DST: variants seen among roughly 807,000 people sequenced by gnomAD.
The protein encoded by DST is dystonin.
A neutral mutation model predicts 875.2 loss-of-function variants in DST; 253 were observed. The ratio of observed to expected loss-of-function variants is 0.29; its 90% CI spans 0.26 to 0.32. The LOEUF is 0.32. DST is among the 10% of genes least tolerant of loss of function. The pLI, the probability that DST is intolerant of heterozygous loss-of-function variation, is 1.00. For synonymous variants in DST, 3,124 were observed against 3,197.1 expected (o/e 0.98, Z 0.77); for missense variants, 8,287 against 9,111.6 (o/e 0.91, Z 3.68).
intron 93 of DST, among the ~76,000 whole-genome samples, chr6:56,473,635 A>C (rs917985779): frequency 6.6e-6 from 1 of 152,196 alleles, no homozygotes; most frequent in Admixed American, 6.5e-5. Context: ...CTTCTAGCTA[A>C]TATGAAAGAT....
rs374094129 is a variant in DST, at chr6:56,463,592, T to C, written c.22932A>G (p.Pro7644=). The C allele has an allele frequency of 1.2e-6, 2 of 1,602,196 alleles. No homozygotes were observed. Among genetic ancestry groups the C allele is most frequent in the South Asian group, 1.1e-5 (1 of 89,656 alleles). Residue 7644 remains proline (P), a synonymous_variant, in exon 101 of 104, where the codon CCA becomes CCG. Transcript: ENST00000680361. Reference sequence around the variant, plus strand: ...TGGGTGTGGTGGTGGCAGGGACCTGTGGGGAGGCCGCCTGCGCAGCCTGAC... The same window carrying C: ...TGGGTGTGGTGGTGGCAGGGACCTGCGGGGAGGCCGCCTGCGCAGCCTGAC... The part of the protein sequence containing the change: ...VSSQAAQAAS[P]QVPATTTPKI...
intron 47 of DST, among the ~76,000 whole-genome samples, chr6:56,595,787 C>T: frequency 6.8e-6 from 1 of 146,126 alleles, no homozygotes; most frequent in South Asian, 2.1e-4. Context: ...CTACCCCCAC[C>T]CCACCCCGAG....
chr6:56,762,402 C>G (rs775266011), intron 4 of DST, among the ~76,000 whole-genome samples: 16 of 152,150 alleles, frequency 1.1e-4, no homozygotes, highest in Non-Finnish European at 1.9e-4. Context: ...CCAGGCCCAA[C>G]AAAAATTTAC....
chr6:56,875,685 A>G (rs1486952282), intron 3 of DST, among the ~76,000 whole-genome samples: 1 of 152,182 alleles, frequency 6.6e-6, no homozygotes, highest in Non-Finnish European at 1.5e-5. Context: ...AGCAAAGGCT[A>G]CAGATTATTG....
chr6:56,482,425 G>T, intron 89 of DST: 1 of 517,692 alleles, frequency 1.9e-6, no homozygotes, highest in Non-Finnish European at 3.2e-6. Context: ...TAGATGAATG[G>T]CAGTCCATCA....
chr6:56,616,165 CA>C (rs2098616328), intron 36 of DST: 1 of 1,614,172 alleles, frequency 6.2e-7, no homozygotes, highest in Non-Finnish European at 8.5e-7. Flanking sequence ...ACCGGCTCAG[CA>C]AAGAATCAGC....
intron 9 of DST, among the ~76,000 whole-genome samples, chr6:56,688,210 T>C (rs1425324115): frequency 1.3e-5 from 2 of 152,110 alleles, no homozygotes; most frequent in East Asian, 1.9e-4. Context: ...AAGAAAGAGA[T>C]AAAATGGTTC....
Position 56,532,968 on chromosome 6 carries a change from G to T in DST, c.16942-458C>A, listed in dbSNP as rs374573908. ...TTCCCACGTTAAACAATCCATTATA[G>T]ACAAGGAAGTTAAGACTCAGCCCAA... On this transcript the variant is annotated intron_variant, in intron 63 of 103. Transcript: ENST00000680361. Among the ~76,000 whole-genome samples, 5 of 152,126 alleles carry T rather than the reference G, an allele frequency of 3.3e-5. No individual in the cohort carries two copies. In the East Asian group the frequency reaches 5.8e-4, roughly 18 times the overall value.
intron 4 of DST, among the ~76,000 whole-genome samples, chr6:56,785,314 G>A (rs375485816): frequency 6.6e-6 from 1 of 152,238 alleles, no homozygotes; most frequent in African/African-American, 2.4e-5. Context: ...GCCCCCAGAG[G>A]TGGAGCCTAC....
At chr6:56,525,004 G>A (rs554504967) in intron 69 of DST, among the ~76,000 whole-genome samples, 79 of 152,040 alleles carry the variant, frequency 5.2e-4, no homozygotes, top group Admixed American at 9.2e-4. Flanking sequence ...GAAAACATAC[G>A]CAAAACCTTG....
chr6:56,761,650 G>A (rs766773526), intron 4 of DST, among the ~76,000 whole-genome samples: 5 of 151,738 alleles, frequency 3.3e-5, no homozygotes, highest in South Asian at 2.1e-4. Flanking sequence ...TCCTCAAAGA[G>A]TGAACAGGCC....
At chr6:56,555,168 A>G (rs1385518825) in intron 60 of DST, among the ~76,000 whole-genome samples, 177 bp downstream of exon 60, 1 of 152,198 alleles carries the variant, frequency 6.6e-6, no homozygotes, top group Non-Finnish European at 1.5e-5. Flanking sequence ...CTAACATTCC[A>G]TGTGCCTATG....
chr6:56,581,032 G>A (rs1413532132), intron 49 of DST, among the ~76,000 whole-genome samples: 1 of 123,022 alleles, frequency 8.1e-6, no homozygotes, highest in Non-Finnish European at 1.6e-5. Flanking sequence ...AAGGCTCCCA[G>A]CCAATTAGTG....
At chr6:56,596,274 G>A (rs775669457) in intron 47 of DST, among the ~76,000 whole-genome samples, 9 of 152,090 alleles carry the variant, frequency 5.9e-5, no homozygotes, top group East Asian at 3.9e-4. Flanking sequence ...TGATCCACCC[G>A]CCTCAGCCTC....
Position 56,601,499 on chromosome 6 carries a change from G to A in DST, c.11485C>T (p.Gln3829Ter). The A allele has an allele frequency of 1.9e-6, 3 of 1,606,180 alleles. No individual in the cohort carries two copies. Among genetic ancestry groups the A allele is most frequent in the Non-Finnish European group, 2.6e-6 (3 of 1,176,472 alleles). The change falls in exon 44 of 104, where the codon CAG (glutamine) becomes TAG (stop). Residue 3829 changes from glutamine to a stop codon, truncating the protein, a stop_gained. Transcript: ENST00000680361. LOFTEE classifies it high-confidence loss of function. ...FLDVQESVTT[Q>*]VERLETQLHL... The stretch of plus-strand genomic sequence containing the variant: ...AACTGAGTCTCTAAACGTTCCACCT[G>A]GGTAGTTACTGACTCCTGTACATCA...
chr6:56,871,251 A>C, intron 3 of DST: 2 of 774,712 alleles, frequency 2.6e-6, no homozygotes, highest in Non-Finnish European at 4.8e-6. Flanking sequence ...AAGAGGTTCA[A>C]ATCTTCGTGT....
At chr6:56,743,370 T>C (rs2099554732) in intron 4 of DST, among the ~76,000 whole-genome samples, 2 of 152,224 alleles carry the variant, frequency 1.3e-5, no homozygotes, top group African/African-American at 2.4e-5. Flanking sequence ...CAAAATGCTT[T>C]AAAACATCTT....
chr6:56,659,230 C>A lies in DST; in HGVS notation c.1215-7986G>T, dbSNP rs569189347. On this transcript the variant is annotated intron_variant, in intron 10 of 103. Transcript: ENST00000680361. ...CCAAGTCAGGAGATATTGAGAAAGT[C>A]AAATCTACAGAACCCAGTTATATGA... 2.6e-5 allele frequency among the ~76,000 whole-genome samples: 4 copies of A among 152,154 alleles called. No homozygotes were observed. The South Asian group carries it at 8.3e-4, about 32-fold the overall frequency.
intron 102 of DST, among the ~76,000 whole-genome samples, chr6:56,462,750 A>G (rs534229664): frequency 6.6e-6 from 1 of 152,188 alleles, no homozygotes; most frequent in African/African-American, 2.4e-5. Context: ...ACTCTATGTT[A>G]CTCTCCCAAG....
Sources: gnomAD v4.1 joint callset for allele counts (sites outside exome capture counted in the v4.1 genomes callset) on GRCh38, gnomAD v4.1.1 for gene constraint, MANE v1.5 for transcripts, NCBI Gene and HGNC (gene_info 2026-07-23, HGNC 2026-07-21) for gene names.